The following DHX57 variants were observed in gnomAD, a reference collection of about 807,000 sequenced individuals.
DHX57 encodes the protein putative ATP-dependent RNA helicase DHX57.
A neutral mutation model predicts 156.2 loss-of-function variants in DHX57; 105 were observed. The ratio of observed to expected loss-of-function variants is 0.67; its 90% CI spans 0.57 to 0.79. The LOEUF (loss-of-function observed/expected upper bound fraction) is 0.79. Ranked by LOEUF, DHX57 falls within the 30% of genes least tolerant of loss-of-function variation. The pLI is 0.00. For synonymous variants in DHX57, 704 were observed against 595.6 expected (o/e 1.18, Z -2.65); for missense variants, 1,847 against 1,661.9 (o/e 1.11, Z -1.94).
intron 21 of DHX57, among the ~76,000 whole-genome samples, chr2:38,809,584 C>T (rs1364939049): frequency 6.6e-6 from 1 of 151,502 alleles, no homozygotes. Flanking sequence ...GCCTCAGCCT[C>T]CCAAGTAGTT....
intron 1 of DHX57, among the ~76,000 whole-genome samples, chr2:38,869,258 C>G (rs938429726): frequency 3.3e-5 from 5 of 152,212 alleles, no homozygotes; most frequent in Admixed American, 6.5e-5. Flanking sequence ...CAGATAGCTC[C>G]TAATCTTTTT....
intron 14 of DHX57, 78 bp from the exon 15 acceptor site, chr2:38,826,767 A>C (rs570316371): frequency 6.8e-7 from 1 of 1,467,284 alleles, no homozygotes. Context: ...ATTTCTACTA[A>C]AACCAACAAT....
intron 2 of DHX57, among the ~76,000 whole-genome samples, chr2:38,865,105 ATACTTT>A (rs1664995610): frequency 6.6e-6 from 1 of 151,914 alleles, no homozygotes; most frequent in South Asian, 2.1e-4. Flanking sequence ...TTTGTTTTTC[ATACTTT>A]CTCTTAGCTT....
intron 16 of DHX57, 151 bp downstream of exon 16, chr2:38,825,696 C>T: frequency 1.3e-6 from 1 of 782,706 alleles, no homozygotes; most frequent in Non-Finnish European, 2.0e-6. Flanking sequence ...GTAAAGGCAA[C>T]ACTAAGGATA....
At chr2:38,810,718 A>G in intron 21 of DHX57, 1 of 792,948 alleles carries the variant, frequency 1.3e-6, no homozygotes, top group Non-Finnish European at 2.2e-6. Flanking sequence ...GGTGTACACC[A>G]ACTCAGCAAA....
chr2:38,868,107 C>T lies in DHX57; in HGVS notation c.224+75G>A. On this transcript the variant is annotated intron_variant, in intron 2 of 23. Transcript: ENST00000457308. ...AGAATTACTCGACTTTTTTTCCATT[C>T]TCAGCCATCTGTTGTCCCATACATT... is the stretch of plus-strand genomic sequence containing the variant. 3.2e-6 allele frequency: 5 copies of T among 1,542,868 alleles called. No homozygotes were observed. The Admixed American group carries it at 5.6e-5, about 17-fold the overall frequency.
Position 38,868,145 on chromosome 2 carries a change from C to T in DHX57, c.224+37G>A, listed in dbSNP as rs749395997. On this transcript the variant is annotated intron_variant, in intron 2 of 23. Transcript: ENST00000457308. ...TGTCCCATACATTAGGGGTTGATAC[C>T]ATTTCCATATTTAAACATTCAAAGA... 4.4e-6 allele frequency: 7 copies of T among 1,606,478 alleles called. No homozygotes were observed. In the East Asian group the frequency reaches 1.1e-4, roughly 26 times the overall value.
intron 18 of DHX57, 25 bp from the exon 19 acceptor site, chr2:38,818,985 G>A (rs773180710): frequency 1.2e-6 from 2 of 1,613,938 alleles, no homozygotes; most frequent in African/African-American, 2.7e-5. Flanking sequence ...AAATCAAACT[G>A]AACTTACTCA....
intron 3 of DHX57, 88 bp downstream of exon 3, chr2:38,863,273 T>C: frequency 2.2e-6 from 3 of 1,379,842 alleles, no homozygotes; most frequent in South Asian, 2.8e-5. Context: ...GAATCAGTAC[T>C]GACACAGCAT....
intron 23 of DHX57, among the ~76,000 whole-genome samples, chr2:38,800,426 C>G (rs1669628736): frequency 6.6e-6 from 1 of 152,004 alleles, no homozygotes; most frequent in South Asian, 2.1e-4. Context: ...ATACTGTATG[C>G]TTTATGGCAT....
rs977946951 is a variant in DHX57 at position 38,823,848 on chromosome 2, C to T, written c.3015-579G>A. On this transcript the variant is annotated intron_variant, in intron 16 of 23. Coordinates refer to ENST00000457308, the MANE Select transcript of DHX57 (RefSeq NM_198963.3). ...CCAACATGGTGAAACCCAGTCTCTA[C>T]TAAAAATACAAAAATTAGCCAGGCA... is the stretch of plus-strand genomic sequence containing the variant. Among the ~76,000 whole-genome samples, 87 of 152,164 alleles carry T rather than the reference C, an allele frequency of 5.7e-4. 1 individual carries two copies. Among genetic ancestry groups the T allele is most frequent in the African/African-American group, 2.0e-3 (82 of 41,520 alleles).
chr2:38,842,899 T>C (rs1369914233), intron 12 of DHX57, 106 bp downstream of exon 12: 2 of 1,210,362 alleles, frequency 1.7e-6, no homozygotes, highest in Non-Finnish European at 2.3e-6. Context: ...TTAAAGGCAA[T>C]GTAACTATGA....
chr2:38,834,186 C>G (rs920615121), intron 13 of DHX57, among the ~76,000 whole-genome samples: 71 of 151,844 alleles, frequency 4.7e-4, no homozygotes, highest in Non-Finnish European at 6.9e-4. Context: ...ACAAAATTAG[C>G]CGGGTGTGGT....
chr2:38,851,072 CAAA>C (rs879675011), intron 9 of DHX57, among the ~76,000 whole-genome samples: 1 of 133,876 alleles, frequency 7.5e-6, no homozygotes. Flanking sequence ...GACTTTGTTT[CAAA>C]AAAAAAAAAA....
At chr2:38,858,878 T>A in intron 5 of DHX57, 42 bp from the exon 6 acceptor site, 1 of 1,563,494 alleles carries the variant, frequency 6.4e-7, no homozygotes. Context: ...TGGAGCCCTT[T>A]CTTTAACAAA....
chr2:38,815,481 C>T (rs201513868), intron 20 of DHX57, 40 bp downstream of exon 20: 20 of 1,612,844 alleles, frequency 1.2e-5, no homozygotes, highest in Non-Finnish European at 1.4e-5. Context: ...TATTTAGGTG[C>T]TAATTAAAGA....
At chr2:38,836,853 G>GT (rs983070683) in intron 13 of DHX57, among the ~76,000 whole-genome samples, 1 of 151,904 alleles carries the variant, frequency 6.6e-6, no homozygotes, top group Non-Finnish European at 1.5e-5. Flanking sequence ...GTGGTGTGTG[G>GT]TTTTTTTCTG....
At chr2:38,812,891 A>C (rs1670339435) in intron 21 of DHX57, among the ~76,000 whole-genome samples, 1 of 149,634 alleles carries the variant, frequency 6.7e-6, no homozygotes, top group East Asian at 2.0e-4. Flanking sequence ...TCTGTGGCCC[A>C]GGCTGGGGTA....
chr2:38,846,824 A>G (rs903053877), intron 11 of DHX57, among the ~76,000 whole-genome samples, 195 bp downstream of exon 11: 6 of 152,078 alleles, frequency 3.9e-5, no homozygotes, highest in African/African-American at 1.4e-4. Flanking sequence ...TGAGGGTCAA[A>G]TATTATTCTG....
Sources: gnomAD v4.1 joint callset for allele counts (sites outside exome capture counted in the v4.1 genomes callset) on GRCh38, gnomAD v4.1.1 for gene constraint, MANE v1.5 for transcripts, NCBI Gene and HGNC (gene_info 2026-07-23, HGNC 2026-07-21) for gene names.